WDR7: variants seen among roughly 807,000 people sequenced by gnomAD.
The protein encoded by WDR7 is WD repeat-containing protein 7.
Under a neutral mutation model 169.4 loss-of-function variants are expected in WDR7, and 46 were observed. That is an observed-to-expected ratio of 0.27 (90% confidence interval 0.21 to 0.35). WDR7 has a LOEUF of 0.35. Ranked by LOEUF, WDR7 falls within the 10% of genes least tolerant of loss-of-function variation. WDR7 has a pLI of 1.00. For synonymous variants in WDR7, 612 were observed against 666.8 expected (o/e 0.92, Z 1.27); for missense variants, 1,534 against 1,859.3 (o/e 0.83, Z 3.22).
At chr18:56,902,829 G>A (rs920159709) in intron 21 of WDR7, among the ~76,000 whole-genome samples, 1 of 152,190 alleles carries the variant, frequency 6.6e-6, no homozygotes, top group Admixed American at 6.5e-5. Context: ...GTCTTTTACT[G>A]CAGCAGCATA....
Position 56,942,775 on chromosome 18 carries a change from A to G in WDR7, c.4064+3382A>G, listed in dbSNP as rs145588823. On this transcript the variant is annotated intron_variant, in intron 25 of 27. Transcript: ENST00000254442. ...AAGGACTTACTGTATTTGATAGGCA[A>G]TAGAAAGTCAGAAAAAGTTAAGCAA... Among the ~76,000 whole-genome samples, 1,131 of 152,344 alleles carry G rather than the reference A, an allele frequency of 7.4e-3. 16 individuals carry two copies. Among genetic ancestry groups the G allele is most frequent in the African/African-American group, 0.024 (1,005 of 41,586 alleles).
chr18:56,669,792 A>C (rs2025095145), intron 1 of WDR7, among the ~76,000 whole-genome samples: 1 of 152,140 alleles, frequency 6.6e-6, no homozygotes, highest in Non-Finnish European at 1.5e-5. Flanking sequence ...TTTTATCCCA[A>C]TAAATCCTGT....
chr18:56,696,015 T>C (rs1021306392), intron 11 of WDR7, among the ~76,000 whole-genome samples: 1 of 152,198 alleles, frequency 6.6e-6, no homozygotes, highest in South Asian at 2.1e-4. Context: ...TCATGACTAG[T>C]TTAAATTCAC....
chr18:56,679,217 T>TA (rs2025306751), intron 2 of WDR7, 115 bp from the exon 3 acceptor site: 1 of 758,718 alleles, frequency 1.3e-6, no homozygotes, highest in African/African-American at 1.8e-5. Context: ...GGGGCTAGAA[T>TA]AAAAAATCTT....
chr18:56,814,832 T>C (rs543038612), intron 19 of WDR7, among the ~76,000 whole-genome samples: 1 of 151,968 alleles, frequency 6.6e-6, no homozygotes, highest in Non-Finnish European at 1.5e-5. Context: ...TGCAAAGTGG[T>C]GAGTTTGTCA....
At chr18:56,907,300 C>T (rs2046491667) in intron 21 of WDR7, among the ~76,000 whole-genome samples, 1 of 130,998 alleles carries the variant, frequency 7.6e-6, no homozygotes, top group Non-Finnish European at 1.6e-5. Flanking sequence ...GTATGTTAAG[C>T]ATTGGGGTAT....
At chr18:57,031,014 C>T (rs957573142), downstream of WDR7, 2 of 152,148 alleles carry the variant, frequency 1.3e-5, no homozygotes, top group Non-Finnish European at 2.9e-5. Context: ...AGCAGCAGAA[C>T]GATGAATATT....
chr18:56,902,337 G>A (rs1381230373), intron 21 of WDR7, among the ~76,000 whole-genome samples: 1 of 152,154 alleles, frequency 6.6e-6, no homozygotes, highest in African/African-American at 2.4e-5. Context: ...GTTAATTTTG[G>A]TAACTACAAA....
At chr18:56,682,619 C>T in intron 4 of WDR7, 60 bp from the exon 5 acceptor site, 2 of 1,536,230 alleles carry the variant, frequency 1.3e-6, no homozygotes, top group Non-Finnish European at 1.8e-6. Context: ...GCATATTAAT[C>T]AAGTATCTAA....
intron 19 of WDR7, among the ~76,000 whole-genome samples, chr18:56,782,347 C>A (rs961858788): frequency 6.6e-6 from 1 of 151,864 alleles, no homozygotes; most frequent in African/African-American, 2.4e-5. Flanking sequence ...TTATATTTTT[C>A]TAAAAACAGT....
intron 20 of WDR7, among the ~76,000 whole-genome samples, chr18:56,851,330 C>T (rs182352989): frequency 2.6e-4 from 40 of 152,202 alleles, no homozygotes; most frequent in East Asian, 1.7e-3. Flanking sequence ...TCTTCTCCAA[C>T]GCTGTTCCCA....
chr18:56,674,728 T>C (rs1011827999), intron 2 of WDR7, among the ~76,000 whole-genome samples: 1 of 152,348 alleles, frequency 6.6e-6, no homozygotes, highest in East Asian at 1.9e-4. Flanking sequence ...TTGTCATATC[T>C]AAGAAACCGT....
At chr18:56,688,561 C>CAA (rs68137220) in intron 7 of WDR7, among the ~76,000 whole-genome samples, 1 of 135,250 alleles carries the variant, frequency 7.4e-6, no homozygotes, top group African/African-American at 2.8e-5. Context: ...ACTAAAAATA[C>CAA]AAAAAAAAAA....
chr18:56,914,976 A>G (rs774680966), intron 21 of WDR7, among the ~76,000 whole-genome samples: 5 of 152,220 alleles, frequency 3.3e-5, no homozygotes, highest in Non-Finnish European at 5.9e-5. Context: ...TGATTATAGG[A>G]CAGGAAATAG....
At chr18:56,670,906 TCTTC>T (rs1212432257) in intron 1 of WDR7, among the ~76,000 whole-genome samples, 2 of 152,220 alleles carry the variant, frequency 1.3e-5, no homozygotes, top group African/African-American at 4.8e-5. Flanking sequence ...GAGAGTACTC[TCTTC>T]TATGCAGCTT....
intron 27 of WDR7, among the ~76,000 whole-genome samples, chr18:57,021,147 T>TG (rs1391504040): frequency 2.0e-5 from 3 of 151,966 alleles, no homozygotes; most frequent in Non-Finnish European, 4.4e-5. Context: ...AATAAGGTGG[T>TG]GGGAAGGCTT....
chr18:56,798,829 T>C (rs544178965), intron 19 of WDR7, among the ~76,000 whole-genome samples: 4 of 152,334 alleles, frequency 2.6e-5, no homozygotes, highest in Middle Eastern at 6.8e-3. Context: ...GAGACATTTG[T>C]CAAAATTTCA....
intron 2 of WDR7, among the ~76,000 whole-genome samples, chr18:56,677,541 G>A (rs1470542727): frequency 6.6e-6 from 1 of 152,048 alleles, no homozygotes; most frequent in South Asian, 2.1e-4. Context: ...GTAGAGATGG[G>A]GTTTTGCCAT....
chr18:56,667,357 T>C (rs867907200), intron 1 of WDR7, among the ~76,000 whole-genome samples: 14 of 152,178 alleles, frequency 9.2e-5, no homozygotes, highest in South Asian at 8.3e-4. Flanking sequence ...AGTAGCATCA[T>C]ATTTGGTTTA....
Sources: allele counts gnomAD v4.1 joint callset (sites outside exome capture counted in the v4.1 genomes callset), GRCh38; gene constraint gnomAD v4.1.1; transcripts MANE v1.5; gene names NCBI Gene and HGNC (gene_info 2026-07-23, HGNC 2026-07-21).